Variants in DMTF1 observed in about 807,000 individuals in gnomAD.
DMTF1 encodes cyclin-D-binding Myb-like transcription factor 1.
Under a neutral mutation model 91.1 loss-of-function variants are expected in DMTF1, and 39 were observed. That is an observed-to-expected ratio of 0.43 (90% CI 0.33 to 0.56). The LOEUF (loss-of-function observed/expected upper bound fraction) is 0.56. DMTF1 is among the 20% of genes least tolerant of loss of function. The pLI is 0.05. For missense variants in DMTF1, 750 were observed against 914.5 expected, an observed-to-expected ratio of 0.82 and a Z score of 2.32; for synonymous variants, 338 against 309.5, an observed-to-expected ratio of 1.09 and a Z score of -0.97.
rs914279270 is a variant in DMTF1 at position 87,195,926 on chromosome 7, T to C, written c.*786T>C. On this transcript the variant is annotated 3_prime_UTR_variant, in exon 18 of 18. Coordinates refer to ENST00000331242, the MANE Select transcript of DMTF1 (RefSeq NM_001142327.2). The stretch of plus-strand genomic sequence containing the variant: ...CTTGATACCATGACCATTTATTAGA[T>C]GTTTTGCTATATAAATTACCGAGAG... 2.2e-4 allele frequency: 34 copies of C among 152,492 alleles called. No homozygotes were observed. Among genetic ancestry groups the C allele is most frequent in the Admixed American group, 2.2e-3 (33 of 15,242 alleles). The allele number at this position is 152,492 out of a possible 1,614,324, so 9.4% of individuals were successfully genotyped here.
At chr7:87,179,517 C>G in intron 7 of DMTF1, 28 bp from the exon 8 acceptor site, 1 of 1,474,352 alleles carries the variant, frequency 6.8e-7, no homozygotes. Context: ...TCAGAAATCC[C>G]TAAATCAAAG....
At chr7:87,162,757 T>C (rs568057149) in intron 1 of DMTF1, 3 of 151,766 alleles carry the variant, frequency 2.0e-5, no homozygotes, top group Non-Finnish European at 2.9e-5. Context: ...GCCGCAAAAA[T>C]TAGAATTTTA....
rs112647959 is a variant in DMTF1 at position 87,193,439 on chromosome 7, A to C, written c.1650+86A>C. 32 of 1,378,024 alleles carry C rather than the reference A, an allele frequency of 2.3e-5. No individual in the cohort carries two copies. The African/African-American group carries it at 2.4e-4, about 10-fold the overall frequency. The allele number at this position is 1,378,024 out of a possible 1,614,324, so 85.4% of individuals were successfully genotyped here. On this transcript the variant is annotated intron_variant, in intron 15 of 17. Transcript: ENST00000331242. ...GGACCAAAATAGAAGGTAGTTATCT[A>C]AACAGTTCTTCCTACTGCTGCTGTT...
intron 14 of DMTF1, among the ~76,000 whole-genome samples, chr7:87,192,039 A>G (rs879283717): frequency 1.3e-5 from 2 of 152,098 alleles, no homozygotes; most frequent in Non-Finnish European, 2.9e-5. Flanking sequence ...ATGGGGATGT[A>G]TAAGACAACC....
rs752493197 is a variant in DMTF1 at position 87,185,898 on chromosome 7, T to C, written c.1119T>C (p.Ser373=). The change falls in exon 12 of 18, where the codon AGT becomes AGC. Residue 373 remains serine (S), a synonymous_variant. Coordinates refer to ENST00000331242, the MANE Select transcript of DMTF1 (RefSeq NM_001142327.2). ...ATCTGTTAGCTGAGGGATGGAGTAG[T>C]GTCCGTTCACCACAATGGCTACGAA... ...NWDLLAEGWS[S]VRSPQWLRSK... The C allele has an allele frequency of 1.9e-5, 30 of 1,614,012 alleles. No individual in the cohort carries two copies. The East Asian group carries it at 6.5e-4, about 35-fold the overall frequency.
Position 87,173,565 on chromosome 7 carries a change from T to G in DMTF1, c.358T>G (p.Ser120Ala), listed in dbSNP as rs747563392. ...ILQNEQLDEI[S>A]PLGNEEVSAV... ...GCAGAATGAGCAACTAGATGAAATA[T>G]CTCCCTTGGGTAACGAGGAAGTTTC... The change falls in exon 6 of 18, where the codon TCT becomes GCT. Residue 120 changes from serine to alanine, a missense_variant. Physicochemically the swap from Ser to Ala is moderately conservative, Grantham distance 99 (BLOSUM62 1). This residue lies in a region of DMTF1 where 150 missense variants were observed against 150.4 expected (regional missense o/e 1.00). Transcript: ENST00000331242. The G allele has an allele frequency of 2.5e-6, 4 of 1,609,832 alleles. No homozygotes were observed. The South Asian group carries it at 3.3e-5, about 13-fold the overall frequency.
At chr7:87,181,976 T>G in intron 9 of DMTF1, 1 of 1,462,690 alleles carries the variant, frequency 6.8e-7, no homozygotes, top group Non-Finnish European at 9.1e-7. Flanking sequence ...TTGGTCTTTT[T>G]TGAACACATA....
chr7:87,153,837 A>C (rs1331753805), intron 1 of DMTF1, among the ~76,000 whole-genome samples: 1 of 152,220 alleles, frequency 6.6e-6, no homozygotes, highest in East Asian at 1.9e-4. Context: ...TTAAGCTCCA[A>C]ATACGAAAAT....
At chr7:87,179,848 T>C in intron 8 of DMTF1, 146 bp downstream of exon 8, 2 of 703,124 alleles carry the variant, frequency 2.8e-6, no homozygotes, top group Non-Finnish European at 4.4e-6. Flanking sequence ...GTGAATATGG[T>C]GAAACCTTAT....
At chr7:87,159,393 A>G (rs908349577) in intron 1 of DMTF1, among the ~76,000 whole-genome samples, 8 of 80,612 alleles carry the variant, frequency 9.9e-5, no homozygotes, top group African/African-American at 3.4e-4. Flanking sequence ...CCTTGTTCAT[A>G]AAGCTGTACA....
chr7:87,159,578 C>A (rs1791697263), intron 1 of DMTF1, among the ~76,000 whole-genome samples: 1 of 152,142 alleles, frequency 6.6e-6, no homozygotes, highest in Non-Finnish European at 1.5e-5. Flanking sequence ...AAAAATGCCA[C>A]TTCAGTTAAA....
At chr7:87,181,439 T>C in intron 9 of DMTF1, 98 bp downstream of exon 9, 1 of 586,580 alleles carries the variant, frequency 1.7e-6, no homozygotes, top group Non-Finnish European at 3.1e-6. Flanking sequence ...GGCAGACTGG[T>C]ATAATTGAAT....
chr7:87,187,201 T>C (rs1356031850), intron 12 of DMTF1: 1 of 152,174 alleles, frequency 6.6e-6, no homozygotes, highest in Non-Finnish European at 1.5e-5. Context: ...AATTTAATGC[T>C]GAGGAACTTT....
chr7:87,164,101 A>G lies in DMTF1; in HGVS notation c.-9+484A>G, dbSNP rs957473846. Among the ~76,000 whole-genome samples the G allele has an allele frequency of 7.3e-5, 11 of 151,140 alleles. 1 individual carries two copies. Among genetic ancestry groups the G allele is most frequent in the South Asian group, 2.1e-4 (1 of 4,808 alleles). On this transcript the variant is annotated intron_variant, in intron 2 of 17. Coordinates refer to ENST00000331242, the MANE Select transcript of DMTF1 (RefSeq NM_001142327.2). ...AAAGCTTAATAAACATTGAGTAATTATATCAGGGTTTGTGTCCTCTGTATT... is the reference window on the plus strand; with the variant it reads ...AAAGCTTAATAAACATTGAGTAATTGTATCAGGGTTTGTGTCCTCTGTATT...
intron 4 of DMTF1, among the ~76,000 whole-genome samples, chr7:87,169,180 C>T (rs1794524943): frequency 6.6e-6 from 1 of 152,218 alleles, no homozygotes; most frequent in Admixed American, 6.5e-5. Flanking sequence ...AGTCCCTGGT[C>T]AGGCATGGTG....
chr7:87,159,209 C>T (rs899550592), intron 1 of DMTF1, among the ~76,000 whole-genome samples: 45 of 152,094 alleles, frequency 3.0e-4, no homozygotes, highest in African/African-American at 9.9e-4. Flanking sequence ...AAAATTAAAG[C>T]TATCAAAGCT....
intron 1 of DMTF1, among the ~76,000 whole-genome samples, chr7:87,160,280 T>C (rs901343759): frequency 5.3e-5 from 8 of 150,414 alleles, no homozygotes; most frequent in African/African-American, 1.9e-4. Context: ...TCATTTCTTT[T>C]TTTTTTTTTT....
At chr7:87,191,177 C>T (rs539920906) in intron 14 of DMTF1, 150 bp downstream of exon 14, 6 of 590,808 alleles carry the variant, frequency 1.0e-5, no homozygotes, top group South Asian at 2.2e-5. Flanking sequence ...TAATTTTAAT[C>T]AGCTTTTCTC....
At chr7:87,177,176 T>A (rs1796431325) in intron 7 of DMTF1, among the ~76,000 whole-genome samples, 1 of 152,200 alleles carries the variant, frequency 6.6e-6, no homozygotes, top group Non-Finnish European at 1.5e-5. Context: ...ATAAATAGAT[T>A]CATTCTCTGG....
Sources: allele counts gnomAD v4.1 joint callset (sites outside exome capture counted in the v4.1 genomes callset), GRCh38; gene constraint gnomAD v4.1.1; regional missense constraint gnomAD v4.1.1; transcripts MANE v1.5; gene names NCBI Gene and HGNC (gene_info 2026-07-23, HGNC 2026-07-21).